HERC6: variants seen among roughly 807,000 people sequenced by gnomAD.
The protein encoded by HERC6 is probable E3 ubiquitin-protein ligase HERC6.
A neutral mutation model predicts 114.5 loss-of-function variants in HERC6; 101 were observed. The observed-to-expected ratio is 0.88, with a 90% CI of 0.75 to 1.04. HERC6 has a LOEUF of 1.04. Ranked by LOEUF, HERC6 falls within the 50% of genes least tolerant of loss-of-function variation. The probability of loss-of-function intolerance (pLI) is 0.00; values close to 1 mark genes in which losing one functional copy is unlikely to be tolerated. For synonymous variants in HERC6, 408 were observed against 436.2 expected (o/e 0.94, Z 0.81); for missense variants, 1,133 against 1,230.9 (o/e 0.92, Z 1.19).
chr4:88,408,081 A>G (rs1270972580), intron 10 of HERC6, among the ~76,000 whole-genome samples: 1 of 152,264 alleles, frequency 6.6e-6, no homozygotes, highest in Non-Finnish European at 1.5e-5. Context: ...AGAAGTTCCC[A>G]TGATGAACAA....
intron 20 of HERC6, among the ~76,000 whole-genome samples, chr4:88,438,927 A>G (rs1445329346): frequency 1.3e-5 from 2 of 152,232 alleles, no homozygotes; most frequent in Non-Finnish European, 2.9e-5. Flanking sequence ...GGAGACAATC[A>G]TGTCTCTGAT....
Position 88,390,830 on chromosome 4 carries a change from G to A in HERC6, c.615G>A (p.Trp205Ter). ...CTCTCTGTGGGACTTCGTTTGGCTG[G>A]GGAAGTAACAGTGCCGGGCAGCTGG... ...ALSLCGTSFG[W>*]GSNSAGQLAL... Residue 205 changes from tryptophan (W) to a stop codon, truncating the protein, a stop_gained, in exon 4 of 23, where the codon TGG becomes TGA. Coordinates refer to ENST00000264346, the MANE Select transcript of HERC6 (RefSeq NM_017912.4). LOFTEE classifies it high-confidence loss of function. 1 of 1,614,154 alleles carries A rather than the reference G, an allele frequency of 6.2e-7. No individual in the cohort carries two copies.
rs144442066 is a variant in HERC6 at position 88,424,460 on chromosome 4, T to C, written c.1828-135T>C. The C allele has an allele frequency of 1.1e-3, 738 of 686,964 alleles. 2 individuals carry two copies. Among genetic ancestry groups the C allele is most frequent in the Non-Finnish European group, 1.4e-3 (579 of 401,586 alleles). The allele number at this position is 686,964 out of a possible 1,614,324, so 42.6% of individuals were successfully genotyped here. The stretch of plus-strand genomic sequence containing the variant: ...TGCCCCTGCACTCCAGCCTGGGCAA[T>C]AGAACAAGACTCTGCCTTAAAAAAA... On this transcript the variant is annotated intron_variant, in intron 14 of 22. Transcript: ENST00000264346.
At chr4:88,433,345 T>C (rs1480558342) in intron 17 of HERC6, among the ~76,000 whole-genome samples, 8 of 152,202 alleles carry the variant, frequency 5.3e-5, no homozygotes, top group African/African-American at 1.9e-4. Flanking sequence ...GTTGAGCTTC[T>C]ATTGTGTTAT....
intron 10 of HERC6, among the ~76,000 whole-genome samples, chr4:88,406,676 C>T (rs1048984837): frequency 6.6e-6 from 1 of 152,150 alleles, no homozygotes; most frequent in Non-Finnish European, 1.5e-5. Context: ...TGTTTTAGTA[C>T]TTGCATAAAT....
intron 9 of HERC6, 142 bp downstream of exon 9, chr4:88,405,139 C>A: frequency 1.0e-6 from 1 of 992,038 alleles, no homozygotes; most frequent in Non-Finnish European, 1.5e-6. Context: ...CTTAGTGTGA[C>A]TAGGTCATCA....
chr4:88,401,454 G>GCACTC (rs1735532251), intron 8 of HERC6, among the ~76,000 whole-genome samples: 1 of 146,446 alleles, frequency 6.8e-6, no homozygotes, highest in Non-Finnish European at 1.5e-5. Flanking sequence ...ATGCGCCACT[G>GCACTC]CACTCCAGCC....
rs1734204446 is a variant in HERC6, at chr4:88,380,292, TATATAA to T, written c.199+1178_199+1183del. 4.0e-5 allele frequency among the ~76,000 whole-genome samples: 2 copies of T among 50,096 alleles called. 1 individual carries two copies. Among genetic ancestry groups the T allele is most frequent in the African/African-American group, 1.9e-4 (2 of 10,672 alleles). The allele number at this position is 50,096 out of a possible 152,430, so 32.9% of individuals were successfully genotyped here. A position where few individuals can be genotyped will look rare whatever the true frequency, so the allele number is the denominator to read the frequency against. On this transcript the variant is annotated intron_variant, in intron 1 of 22. Coordinates refer to ENST00000264346, the MANE Select transcript of HERC6 (RefSeq NM_017912.4). ...ATATATATAATATATAAATATATAATATATAAATATATATATAATATATAAATATAT... is the reference window on the plus strand; with the variant it reads ...ATATATATAATATATAAATATATAATATATATATATAATATATAAATATAT...
intron 1 of HERC6, among the ~76,000 whole-genome samples, chr4:88,380,483 C>T (rs1275941075): frequency 1.5e-5 from 2 of 133,708 alleles, no homozygotes; most frequent in African/African-American, 5.6e-5. Context: ...CTTTGGGAGG[C>T]CGAGGCGGGC....
At chr4:88,437,374 A>G (rs1179951564) in intron 19 of HERC6, among the ~76,000 whole-genome samples, 1 of 152,050 alleles carries the variant, frequency 6.6e-6, no homozygotes, top group Non-Finnish European at 1.5e-5. Context: ...TCCCTTTTTT[A>G]AAAGACATTT....
At chr4:88,391,868 A>G (rs1734934755) in intron 4 of HERC6, among the ~76,000 whole-genome samples, 1 of 152,114 alleles carries the variant, frequency 6.6e-6, no homozygotes, top group East Asian at 1.9e-4. Flanking sequence ...CATGCTGAGC[A>G]CTTATACCTT....
chr4:88,396,262 T>G, intron 6 of HERC6, 120 bp downstream of exon 6: 2 of 703,830 alleles, frequency 2.8e-6, no homozygotes, highest in Non-Finnish European at 2.1e-6. Flanking sequence ...AAAATTTACT[T>G]ATTTCAAATA....
chr4:88,428,833 AGCCT>A, intron 16 of HERC6, 83 bp downstream of exon 16: 3 of 1,201,004 alleles, frequency 2.5e-6, no homozygotes, highest in Non-Finnish European at 3.4e-6. Flanking sequence ...CTCTGAAAAG[AGCCT>A]GCATTTGCCT....
intron 20 of HERC6, among the ~76,000 whole-genome samples, chr4:88,439,555 ATTTACCC>A (rs1224610663): frequency 6.6e-6 from 1 of 152,134 alleles, no homozygotes; most frequent in African/African-American, 2.4e-5. Context: ...GAGGTTTGGA[ATTTACCC>A]CAAGGGCAAT....
chr4:88,415,193 T>C (rs1163389063), intron 12 of HERC6, among the ~76,000 whole-genome samples: 2 of 152,198 alleles, frequency 1.3e-5, no homozygotes, highest in Non-Finnish European at 2.9e-5. Flanking sequence ...TAGCAAACTA[T>C]TAAAGTTCCT....
chr4:88,392,285 A>G (rs1031358401), intron 4 of HERC6, among the ~76,000 whole-genome samples: 5 of 150,212 alleles, frequency 3.3e-5, no homozygotes, highest in African/African-American at 1.2e-4. Context: ...AGCTGGGCTC[A>G]CAGGCACACA....
chr4:88,424,485 A>T, intron 14 of HERC6, 110 bp from the exon 15 acceptor site: 1 of 817,480 alleles, frequency 1.2e-6, no homozygotes, highest in Non-Finnish European at 2.0e-6. Context: ...CCTTAAAAAA[A>T]CAAAGAACCA....
At chr4:88,389,158 G>A (rs553206009) in intron 3 of HERC6, among the ~76,000 whole-genome samples, 1 of 152,212 alleles carries the variant, frequency 6.6e-6, no homozygotes, top group South Asian at 2.1e-4. Context: ...AAGGCCATGG[G>A]GTTGGGGCAT....
intron 13 of HERC6, among the ~76,000 whole-genome samples, chr4:88,420,951 C>G (rs553381206): frequency 6.6e-6 from 1 of 152,244 alleles, no homozygotes; most frequent in Admixed American, 6.5e-5. Flanking sequence ...TCCCCTTATT[C>G]TCACTCCAGC....
Sources: allele counts gnomAD v4.1 joint callset (sites outside exome capture counted in the v4.1 genomes callset), GRCh38; gene constraint gnomAD v4.1.1; transcripts MANE v1.5; gene names NCBI Gene and HGNC (gene_info 2026-07-23, HGNC 2026-07-21).